The following SLC1A3 variants were observed in gnomAD, a reference collection of about 807,000 sequenced individuals.
The protein encoded by SLC1A3 is solute carrier family 1 member 3.
A neutral mutation model predicts 48.1 loss-of-function variants in SLC1A3; 21 were observed. The observed-to-expected ratio is 0.44, with a 90% CI of 0.31 to 0.63. SLC1A3 has a LOEUF of 0.63. Among genes scored for constraint, SLC1A3 ranks in the 20% least tolerant of loss-of-function variants. The pLI, the probability that SLC1A3 is intolerant of heterozygous loss-of-function variation, is 0.08. For missense variants in SLC1A3, 546 were observed against 689.0 expected (o/e 0.79, Z 2.32); for synonymous variants, 239 against 251.4 (o/e 0.95, Z 0.47).
At chr5:36,666,117 T>C (rs944093002) in intron 3 of SLC1A3, 1 of 152,020 alleles carries the variant, frequency 6.6e-6, no homozygotes, top group Non-Finnish European at 1.5e-5. Flanking sequence ...TCCTCCTCAC[T>C]CTCTTCCTAG....
At chr5:36,637,494 G>A (rs1011203848) in intron 3 of SLC1A3, among the ~76,000 whole-genome samples, 6 of 152,146 alleles carry the variant, frequency 3.9e-5, no homozygotes, top group South Asian at 2.1e-4. Flanking sequence ...ATCAGTTCTC[G>A]TTTGGAAGAA....
intron 1 of SLC1A3, among the ~76,000 whole-genome samples, chr5:36,598,399 C>A (rs1209923372): frequency 6.6e-6 from 1 of 152,060 alleles, no homozygotes; most frequent in East Asian, 1.9e-4. Flanking sequence ...TTACCATTAG[C>A]CATAAACTTC....
chr5:36,634,287 T>TATAAATAAATAAATAA (rs60704367), intron 3 of SLC1A3, among the ~76,000 whole-genome samples: 13,927 of 149,838 alleles, frequency 0.093, 866 homozygotes, highest in African/African-American at 0.17. Flanking sequence ...AAAAAAGAAA[T>TATAAATAAATAAATAA]ATAAATAAAT....
Position 36,657,869 on chromosome 5 carries a change from A to G in SLC1A3, c.320-13160A>G, listed in dbSNP as rs550974121. ...GTGCTTCCTCAGTAGAAATATTAAT[A>G]GTCACTGTACTCTGCGCTGACCGCA... On this transcript the variant is annotated intron_variant, in intron 3 of 9. Transcript: ENST00000265113. 3.9e-5 allele frequency among the ~76,000 whole-genome samples: 6 copies of G among 152,352 alleles called. No individual in the cohort carries two copies. The South Asian group carries it at 1.2e-3, about 32-fold the overall frequency.
intron 1 of SLC1A3, among the ~76,000 whole-genome samples, chr5:36,597,341 G>A (rs567171443): frequency 3.0e-5 from 4 of 133,232 alleles, no homozygotes; most frequent in African/African-American, 1.1e-4. Context: ...CCGCCTCCCG[G>A]GTTCACGCCA....
intron 3 of SLC1A3, among the ~76,000 whole-genome samples, chr5:36,667,333 A>C (rs1741791481): frequency 6.6e-6 from 1 of 152,208 alleles, no homozygotes; most frequent in Non-Finnish European, 1.5e-5. Flanking sequence ...GAGATTTTTC[A>C]CAATTATATT....
intron 3 of SLC1A3, among the ~76,000 whole-genome samples, chr5:36,643,839 C>CA (rs1052592511): frequency 2.6e-4 from 39 of 151,836 alleles, no homozygotes; most frequent in Admixed American, 2.4e-3. Flanking sequence ...CTAAAGATAC[C>CA]AAAAAATAGC....
At chr5:36,632,371 T>A (rs1740167914) in intron 3 of SLC1A3, among the ~76,000 whole-genome samples, 1 of 152,208 alleles carries the variant, frequency 6.6e-6, no homozygotes, top group South Asian at 2.1e-4. Context: ...ATATTTGAAC[T>A]CAGGTTTGAA....
intron 8 of SLC1A3, 117 bp downstream of exon 8, chr5:36,680,706 C>A: frequency 4.8e-6 from 4 of 835,934 alleles, no homozygotes; most frequent in East Asian, 5.1e-5. Flanking sequence ...TCTCCTGAGG[C>A]CAGGAGTTCA....
intron 2 of SLC1A3, among the ~76,000 whole-genome samples, chr5:36,622,606 T>C (rs911217661): frequency 2.0e-5 from 3 of 152,224 alleles, no homozygotes; most frequent in African/African-American, 4.8e-5. Flanking sequence ...TTGTAACTTA[T>C]TGTGTGTGTT....
At chr5:36,609,066 CT>C in intron 2 of SLC1A3, 12 of 990,012 alleles carry the variant, frequency 1.2e-5, no homozygotes, top group Non-Finnish European at 1.4e-5. Flanking sequence ...AGTATCAACG[CT>C]TAGGCACAGA....
In SLC1A3 at chr5:36,629,443, C is replaced by CTTTTTTTTTTTTT; in HGVS notation, c.182-7_182-6insTTTTTTTTTTTTT. 7.1e-7 allele frequency: 1 copy of CTTTTTTTTTTTTT among 1,418,272 alleles called. No homozygotes were observed. Among genetic ancestry groups the CTTTTTTTTTTTTT allele is most frequent in the Admixed American group, 2.2e-5 (1 of 46,040 alleles). The allele number at this position is 1,418,272 out of a possible 1,614,324, so 87.9% of individuals were successfully genotyped here. On this transcript the variant is annotated splice_polypyrimidine_tract_variant and splice_region_variant and intron_variant, in intron 2 of 9. Transcript: ENST00000265113. ...TTTCTTTTTCTTTTTTTTTTTTTTT[C>CTTTTTTTTTTTTT]CTTCAGGTACAATCCTTGGATTTAC... is the stretch of plus-strand genomic sequence containing the variant.
chr5:36,599,580 G>A (rs1738783574), intron 1 of SLC1A3, among the ~76,000 whole-genome samples: 1 of 138,296 alleles, frequency 7.2e-6, no homozygotes, highest in Non-Finnish European at 1.5e-5. Flanking sequence ...TGCTATTTTG[G>A]CTCACTGCAA....
chr5:36,622,082 A>G (rs902825012), intron 2 of SLC1A3, among the ~76,000 whole-genome samples: 5 of 152,070 alleles, frequency 3.3e-5, no homozygotes, highest in African/African-American at 1.2e-4. Flanking sequence ...AGCCACGAAA[A>G]TGGACATCCT....
At chr5:36,605,982 T>C (rs1479256064), upstream of SLC1A3, among the ~76,000 whole-genome samples, 4 of 152,240 alleles carry the variant, frequency 2.6e-5, no homozygotes, top group Non-Finnish European at 5.9e-5. Context: ...CCAGTCTCTT[T>C]ACATTTGCTA....
At chr5:36,630,911 T>C (rs998658760) in intron 3 of SLC1A3, among the ~76,000 whole-genome samples, 1 of 152,210 alleles carries the variant, frequency 6.6e-6, no homozygotes, top group Non-Finnish European at 1.5e-5. Flanking sequence ...GGTCCATTGC[T>C]GACCAGGGGT....
intron 2 of SLC1A3, among the ~76,000 whole-genome samples, chr5:36,617,556 C>T (rs975810220): frequency 4.0e-5 from 6 of 150,886 alleles, no homozygotes; most frequent in Non-Finnish European, 8.8e-5. Flanking sequence ...TCCCGTTTAT[C>T]TTGTTATTCA....
intron 5 of SLC1A3, among the ~76,000 whole-genome samples, chr5:36,675,000 A>C (rs1304367905): frequency 6.6e-6 from 1 of 152,208 alleles, no homozygotes; most frequent in Non-Finnish European, 1.5e-5. Context: ...TTAAAAGGGA[A>C]ACAGACACTC....
chr5:36,606,177 T>C (rs564304725), upstream of SLC1A3, among the ~76,000 whole-genome samples: 1 of 152,232 alleles, frequency 6.6e-6, no homozygotes, highest in Non-Finnish European at 1.5e-5. Flanking sequence ...GAAACGTCAG[T>C]TAATTCCCCG....
Sources: gnomAD v4.1 joint callset for allele counts (sites outside exome capture counted in the v4.1 genomes callset) on GRCh38, gnomAD v4.1.1 for gene constraint, MANE v1.5 for transcripts, NCBI Gene and HGNC (gene_info 2026-07-23, HGNC 2026-07-21) for gene names.